DDX4: variants seen among roughly 807,000 people sequenced by gnomAD.
The protein encoded by DDX4 is probable ATP-dependent RNA helicase DDX4.
Under a neutral mutation model 100.0 loss-of-function variants are expected in DDX4, and 25 were observed. The observed-to-expected ratio is 0.25, with a 90% CI of 0.18 to 0.35. DDX4 has a LOEUF of 0.35. Among genes scored for constraint, DDX4 ranks in the 10% least tolerant of loss-of-function variants. The pLI is 1.00. For missense variants in DDX4, 635 were observed against 882.4 expected (o/e 0.72, Z 3.55); for synonymous variants, 259 against 275.7 (o/e 0.94, Z 0.60).
In DDX4 at chr5:55,785,277, C is replaced by T. The variant is rs1580571148; in HGVS notation, c.626-20C>T. On this transcript the variant is annotated intron_variant, in intron 10 of 21. Transcript: ENST00000505374. ...AGCCTTACATCTTGACCGATTGTCA[C>T]TTATGAATTTCTTTAATAGGTGGTT... is the stretch of plus-strand genomic sequence containing the variant. 1 of 1,548,634 alleles carries T rather than the reference C, an allele frequency of 6.5e-7. No homozygotes were observed. The highest frequency in any genetic ancestry group is 1.7e-4 in the Middle Eastern group (1 of 5,784).
intron 3 of DDX4, 147 bp downstream of exon 3, chr5:55,746,368 T>TG (rs1252695349): frequency 1.7e-6 from 1 of 573,710 alleles, no homozygotes; most frequent in African/African-American, 1.9e-5. Context: ...TATTGTGGAA[T>TG]GGGGGTACTT....
rs1744241469 is a variant in DDX4, at chr5:55,813,748, A to C, written c.1691A>C (p.Lys564Thr). 6.3e-7 allele frequency: 1 copy of C among 1,598,068 alleles called. No homozygotes were observed. Among genetic ancestry groups the C allele is most frequent in the Non-Finnish European group, 8.5e-7 (1 of 1,173,866 alleles). The change falls in exon 19 of 22, where the codon AAA becomes ACA. Residue 564 changes from lysine (K) to threonine (T), a missense_variant. Coordinates refer to ENST00000505374, the MANE Select transcript of DDX4 (RefSeq NM_024415.3). ...ATTGCAACTTTTCTTTGTCAAGAAA[A>C]AATATCAACTACAAGTATTCATGGG... ...DFIATFLCQE[K>T]ISTTSIHGDR... is the part of the protein sequence containing the mutation.
intron 6 of DDX4, among the ~76,000 whole-genome samples, chr5:55,766,491 T>C (rs1164330052): frequency 6.6e-6 from 1 of 151,950 alleles, no homozygotes; most frequent in East Asian, 1.9e-4. Flanking sequence ...ATCATTGTTA[T>C]TCCAGGGCCA....
chr5:55,793,578 C>A (rs186890536), intron 17 of DDX4, among the ~76,000 whole-genome samples: 2 of 152,158 alleles, frequency 1.3e-5, no homozygotes, highest in African/African-American at 4.8e-5. Context: ...GGAACCAAGA[C>A]GTCAAAACCT....
chr5:55,778,291 A>T (rs1741696651), intron 7 of DDX4, among the ~76,000 whole-genome samples: 1 of 152,194 alleles, frequency 6.6e-6, no homozygotes, highest in Non-Finnish European at 1.5e-5. Context: ...ATATAGTTAA[A>T]GCAGCTGCCT....
chr5:55,788,391 G>T (rs1014251229), intron 15 of DDX4, among the ~76,000 whole-genome samples: 2 of 152,138 alleles, frequency 1.3e-5, no homozygotes, highest in East Asian at 1.9e-4. Flanking sequence ...CAGAAGGATT[G>T]TTTGAGTCCA....
At chr5:55,794,507 G>A (rs1742801069) in intron 17 of DDX4, among the ~76,000 whole-genome samples, 1 of 151,882 alleles carries the variant, frequency 6.6e-6, no homozygotes. Flanking sequence ...GCCCTATATA[G>A]TATTTTCAGG....
intron 6 of DDX4, among the ~76,000 whole-genome samples, chr5:55,766,453 T>C (rs1490993314): frequency 6.6e-6 from 1 of 151,866 alleles, no homozygotes; most frequent in African/African-American, 2.4e-5. Flanking sequence ...TTTTTTTTTT[T>C]TCTCGAAAGC....
intron 15 of DDX4, among the ~76,000 whole-genome samples, chr5:55,788,868 C>A (rs889938868): frequency 1.3e-5 from 2 of 152,134 alleles, no homozygotes; most frequent in African/African-American, 2.4e-5. Flanking sequence ...GAGTTCAAGA[C>A]CAGCCTGGAA....
intron 16 of DDX4, among the ~76,000 whole-genome samples, chr5:55,790,947 A>T (rs1307901366): frequency 1.3e-5 from 2 of 152,220 alleles, no homozygotes; most frequent in African/African-American, 4.8e-5. Context: ...AAAATCCCTG[A>T]GTTAGCTCTA....
intron 19 of DDX4, among the ~76,000 whole-genome samples, chr5:55,814,276 T>C (rs1469702593): frequency 3.9e-5 from 6 of 152,246 alleles, no homozygotes; most frequent in African/African-American, 1.2e-4. Context: ...TTGTATATTT[T>C]ATGTCAAGAC....
chr5:55,748,075 G>A (rs1212692677), intron 3 of DDX4, among the ~76,000 whole-genome samples: 1 of 152,166 alleles, frequency 6.6e-6, no homozygotes, highest in Non-Finnish European at 1.5e-5. Flanking sequence ...CTTAAGTTCA[G>A]GGTAAATATC....
intron 18 of DDX4, among the ~76,000 whole-genome samples, chr5:55,811,608 A>G (rs1282766832): frequency 6.6e-6 from 1 of 152,174 alleles, no homozygotes; most frequent in Non-Finnish European, 1.5e-5. Context: ...AAGCAATTAC[A>G]GTTTTTATTT....
chr5:55,780,921 A>G, intron 8 of DDX4, 145 bp from the exon 9 acceptor site: 2 of 576,840 alleles, frequency 3.5e-6, no homozygotes, highest in East Asian at 3.0e-5. Flanking sequence ...AGAATAGTTT[A>G]ACTTAGTTTA....
intron 10 of DDX4, among the ~76,000 whole-genome samples, chr5:55,783,931 C>G (rs1742087317): frequency 6.6e-6 from 1 of 151,254 alleles, no homozygotes; most frequent in African/African-American, 2.4e-5. Flanking sequence ...TGTTGGTGTG[C>G]TGCACCCATC....
intron 6 of DDX4, chr5:55,767,058 G>A (rs1580543167): frequency 6.9e-7 from 1 of 1,441,290 alleles, no homozygotes; most frequent in East Asian, 2.6e-5. Flanking sequence ...AAATGGAGAA[G>A]CTAGGATATC....
chr5:55,739,251 A>G (rs1357948802), intron 2 of DDX4, among the ~76,000 whole-genome samples: 2 of 152,252 alleles, frequency 1.3e-5, no homozygotes, highest in African/African-American at 4.8e-5. Flanking sequence ...ATGTAAAAAT[A>G]TTAATGACCT....
chr5:55,751,735 C>A (rs1759563885), intron 3 of DDX4, among the ~76,000 whole-genome samples: 1 of 152,168 alleles, frequency 6.6e-6, no homozygotes, highest in Admixed American at 6.5e-5. Context: ...ATATCTTCTT[C>A]CATTCTGTTG....
chr5:55,779,195 C>T (rs1251120042), intron 7 of DDX4, among the ~76,000 whole-genome samples: 1 of 152,126 alleles, frequency 6.6e-6, no homozygotes, highest in Non-Finnish European at 1.5e-5. Flanking sequence ...TGTTCTTTTA[C>T]TTTCATGAAA....
Sources: allele counts gnomAD v4.1 joint callset (sites outside exome capture counted in the v4.1 genomes callset), GRCh38; gene constraint gnomAD v4.1.1; transcripts MANE v1.5; gene names NCBI Gene and HGNC (gene_info 2026-07-23, HGNC 2026-07-21).